Variants in HSD17B12 observed in about 807,000 individuals in gnomAD.
HSD17B12 encodes the protein hydroxysteroid 17-beta dehydrogenase 12, also known as very-long-chain 3-oxoacyl-CoA reductase.
In HSD17B12, 32 loss-of-function variants were observed where a neutral mutation model predicts 39.3. The ratio of observed to expected loss-of-function variants is 0.81; its 90% CI spans 0.61 to 1.09. HSD17B12 has a LOEUF of 1.09. Among genes scored for constraint, HSD17B12 ranks in the 50% least tolerant of loss-of-function variants. The probability of loss-of-function intolerance (pLI) is 0.00; values close to 1 mark genes in which losing one functional copy is unlikely to be tolerated. For synonymous variants in HSD17B12, 150 were observed against 146.7 expected (o/e 1.02, Z -0.16); for missense variants, 342 against 382.9 (o/e 0.89, Z 0.89).
chr11:43,835,088 G>A (rs2135120873), intron 7 of HSD17B12, among the ~76,000 whole-genome samples: 1 of 152,268 alleles, frequency 6.6e-6, no homozygotes, highest in East Asian at 1.9e-4. Context: ...CTTCATTATA[G>A]AACTTCAGCA....
intron 3 of HSD17B12, among the ~76,000 whole-genome samples, chr11:43,763,508 C>A (rs1431690512): frequency 6.6e-6 from 1 of 151,356 alleles, no homozygotes; most frequent in Non-Finnish European, 1.5e-5. Context: ...TCTCAAAGAT[C>A]AATTTTCTTC....
At chr11:43,849,129 C>A (rs1951506996) in intron 9 of HSD17B12, among the ~76,000 whole-genome samples, 1 of 152,028 alleles carries the variant, frequency 6.6e-6, no homozygotes. Flanking sequence ...CATGGTGAAA[C>A]CCTGTCTCTA....
At chr11:43,579,791 G>A in the HSD17B12 span, among the ~76,000 whole-genome samples, 5 of 152,026 alleles carry the variant, frequency 3.3e-5, no homozygotes, top group Non-Finnish European at 2.9e-5. Flanking sequence ...GGCGAAGGGG[G>A]TGGGTCGACA....
chr11:43,689,439 C>T (rs1209504288), intron 1 of HSD17B12, among the ~76,000 whole-genome samples: 1 of 152,230 alleles, frequency 6.6e-6, no homozygotes, highest in Non-Finnish European at 1.5e-5. Context: ...TTATGTGATG[C>T]TCTGCCTAGA....
chr11:43,716,412 G>A (rs1057431483), intron 1 of HSD17B12, among the ~76,000 whole-genome samples: 3 of 152,050 alleles, frequency 2.0e-5, no homozygotes, highest in African/African-American at 7.2e-5. Flanking sequence ...TTGTGCTTAC[G>A]TCTGGTAAAT....
intron 1 of HSD17B12, among the ~76,000 whole-genome samples, chr11:43,682,544 C>CAAAAAAAAAAAAAAAAAAAAAA (rs55938101): frequency 8.4e-6 from 1 of 118,446 alleles, no homozygotes. Context: ...AGACTCATCT[C>CAAAAAAAAAAAAAAAAAAAAAA]AAAAAAAAAA....
At chr11:43,729,282 C>T (rs1468033457) in intron 1 of HSD17B12, among the ~76,000 whole-genome samples, 1 of 151,970 alleles carries the variant, frequency 6.6e-6, no homozygotes, top group Non-Finnish European at 1.5e-5. Flanking sequence ...AATAAAATAC[C>T]AAGTTTATAT....
chr11:43,612,198 A>T, the HSD17B12 span, among the ~76,000 whole-genome samples: 1 of 152,106 alleles, frequency 6.6e-6, no homozygotes, highest in African/African-American at 2.4e-5. Context: ...ATGAAATTTT[A>T]TGTATTTTAT....
intron 4 of HSD17B12, among the ~76,000 whole-genome samples, chr11:43,802,487 T>TAC (rs1415525020): frequency 6.6e-6 from 1 of 152,192 alleles, no homozygotes; most frequent in Non-Finnish European, 1.5e-5. Context: ...GCTTAGTAGC[T>TAC]ACATGTGGCC....
At chr11:43,625,637 C>A in the HSD17B12 span, among the ~76,000 whole-genome samples, 1 of 151,304 alleles carries the variant, frequency 6.6e-6, no homozygotes, top group African/African-American at 2.4e-5. Flanking sequence ...AAAAAGTATG[C>A]TATCCCTGTA....
At chr11:43,617,241 T>G in the HSD17B12 span, among the ~76,000 whole-genome samples, 1 of 152,194 alleles carries the variant, frequency 6.6e-6, no homozygotes, top group Non-Finnish European at 1.5e-5. Flanking sequence ...GTGCCTCGCT[T>G]CTTAGTCTGA....
At chr11:43,834,244 T>A (rs781258325) in intron 7 of HSD17B12, 2 of 152,208 alleles carry the variant, frequency 1.3e-5, no homozygotes, top group African/African-American at 2.4e-5. Context: ...GTTACAGAAC[T>A]GTCTGTGCCA....
the HSD17B12 span, among the ~76,000 whole-genome samples, chr11:43,608,507 T>G: frequency 6.6e-6 from 1 of 152,226 alleles, no homozygotes; most frequent in African/African-American, 2.4e-5. Context: ...TCTTATTGTG[T>G]GCACCTGTGC....
chr11:43,804,217 T>C (rs1950998044), intron 4 of HSD17B12, among the ~76,000 whole-genome samples: 1 of 152,234 alleles, frequency 6.6e-6, no homozygotes, highest in African/African-American at 2.4e-5. Flanking sequence ...TAAGCTTTTA[T>C]TGCATTCTAG....
the HSD17B12 span, among the ~76,000 whole-genome samples, chr11:43,675,334 A>G: frequency 6.6e-6 from 1 of 152,220 alleles, no homozygotes; most frequent in East Asian, 1.9e-4. Flanking sequence ...CAAAAGCCTA[A>G]ATAATACAAA....
chr11:43,572,016 G>C, the HSD17B12 span, among the ~76,000 whole-genome samples: 2 of 152,182 alleles, frequency 1.3e-5, no homozygotes, highest in Admixed American at 6.5e-5. Flanking sequence ...CGGAGGACTA[G>C]GATGACTAGC....
intron 1 of HSD17B12, among the ~76,000 whole-genome samples, chr11:43,723,573 T>A (rs756734046): frequency 2.0e-5 from 3 of 152,242 alleles, no homozygotes; most frequent in Non-Finnish European, 4.4e-5. Context: ...TAGCATTTAT[T>A]TTACCTTTTT....
At chr11:43,729,628 T>G (rs1485006106) in intron 1 of HSD17B12, among the ~76,000 whole-genome samples, 2 of 152,226 alleles carry the variant, frequency 1.3e-5, no homozygotes, top group Non-Finnish European at 2.9e-5. Flanking sequence ...TTAAAAGTTC[T>G]ATTTGTGAGA....
chr11:43,672,619 C>T, the HSD17B12 span, among the ~76,000 whole-genome samples: 9 of 152,148 alleles, frequency 5.9e-5, no homozygotes, highest in Non-Finnish European at 7.4e-5. Flanking sequence ...GCGATCTTGG[C>T]TCACTGCAAC....
Sources: allele counts gnomAD v4.1 joint callset (sites outside exome capture counted in the v4.1 genomes callset), GRCh38; gene constraint gnomAD v4.1.1; transcripts MANE v1.5; gene names NCBI Gene and HGNC (gene_info 2026-07-23, HGNC 2026-07-21).